ZNF273: variants seen among roughly 807,000 people sequenced by gnomAD.
ZNF273 encodes the protein zinc finger protein 273.
A neutral mutation model predicts 14.9 loss-of-function variants in ZNF273; 11 were observed. The ratio of observed to expected loss-of-function variants is 0.74; its 90% CI spans 0.46 to 1.22. The LOEUF (loss-of-function observed/expected upper bound fraction) is 1.22, where lower values mean the gene tolerates loss of function less well. ZNF273 is among the 50% of genes most tolerant of loss of function. ZNF273 has a pLI of 0.00. For missense variants in ZNF273, 577 were observed against 660.6 expected (o/e 0.87, Z 1.39); for synonymous variants, 199 against 223.9 (o/e 0.89, Z 0.99).
Position 64,912,245 on chromosome 7 carries a change from C to T in ZNF273, c.103-5336C>T, listed in dbSNP as rs1793567928. ...AAGTATGGGGATTACAGGCGTGAGC[C>T]ACCATGCCTGGCCATTTATGTTGTT... On this transcript the variant is annotated intron_variant, in intron 1 of 3. Transcript: ENST00000476120. Among the ~76,000 whole-genome samples, 7 of 152,210 alleles carry T rather than the reference C, an allele frequency of 4.6e-5. No homozygotes were observed. The South Asian group carries it at 1.4e-3, about 31-fold the overall frequency.
chr7:64,935,510 T>G (rs1234910990), downstream of ZNF273, among the ~76,000 whole-genome samples: 1 of 152,070 alleles, frequency 6.6e-6, no homozygotes, highest in African/African-American at 2.4e-5. Context: ...CAGCGCTTAT[T>G]CTCCACCTAT....
chr7:64,899,417 G>A (rs1222191029), upstream of ZNF273, among the ~76,000 whole-genome samples: 30 of 152,178 alleles, frequency 2.0e-4, 1 homozygote, highest in Non-Finnish European at 4.4e-5. Context: ...CATTTTGGGA[G>A]GCCAAGGTGA....
At chr7:64,934,933 G>A (rs1334254727), downstream of ZNF273, among the ~76,000 whole-genome samples, 1 of 152,018 alleles carries the variant, frequency 6.6e-6, no homozygotes, top group Admixed American at 6.6e-5. Context: ...TCATGAATTA[G>A]TACTATTTAA....
At chr7:64,889,882 G>T (rs1583962759), downstream of ZNF273, 1 of 555,134 alleles carries the variant, frequency 1.8e-6, no homozygotes, top group Non-Finnish European at 2.3e-6. This position sits in a 1 kb window ranked among gnomAD's most constrained non-coding sequence, Gnocchi z 4.2. Flanking sequence ...GGCTTCTTTT[G>T]CTGGCAGTCA....
At chr7:64,906,796 T>A (rs571463872) in intron 1 of ZNF273, among the ~76,000 whole-genome samples, 1 of 152,140 alleles carries the variant, frequency 6.6e-6, no homozygotes, top group African/African-American at 2.4e-5. Flanking sequence ...GTTACTGTTT[T>A]AAGGCAGTTT....
the ZNF273 span, among the ~76,000 whole-genome samples, chr7:64,937,172 T>C: frequency 1.3e-5 from 2 of 152,232 alleles, no homozygotes; most frequent in African/African-American, 4.8e-5. Flanking sequence ...TACATTAGCT[T>C]TTTATGAAAG....
intron 1 of ZNF273, among the ~76,000 whole-genome samples, chr7:64,911,294 T>G (rs1463170322): frequency 6.6e-6 from 1 of 151,274 alleles, no homozygotes; most frequent in African/African-American, 2.4e-5. Flanking sequence ...TTTTTTTTTT[T>G]GAGATGGAGT....
exon 2 of ZNF273, chr7:64,888,727 G>GTCCC: frequency 1.0e-6 from 1 of 985,816 alleles, no homozygotes; most frequent in Non-Finnish European, 1.2e-6. Context: ...GGATGGGAGA[G>GTCCC]TCCCGTTCAC....
intron 1 of ZNF273, among the ~76,000 whole-genome samples, chr7:64,907,879 G>A (rs1331987168): frequency 6.6e-6 from 1 of 152,060 alleles, no homozygotes; most frequent in Non-Finnish European, 1.5e-5. Context: ...AATGAGCTGT[G>A]ATAACAGACC....
At chr7:64,888,461 T>C (rs1791746293) in intron 1 of ZNF273, 2 of 985,694 alleles carry the variant, frequency 2.0e-6, no homozygotes, top group East Asian at 1.1e-4. Flanking sequence ...AGGGAGCTTC[T>C]CCAGGTGGCT....
chr7:64,912,483 C>G (rs1445694511), intron 1 of ZNF273, among the ~76,000 whole-genome samples: 1 of 151,366 alleles, frequency 6.6e-6, no homozygotes, highest in Non-Finnish European at 1.5e-5. Flanking sequence ...AATAACACCT[C>G]TTTTCTTCTG....
upstream of ZNF273, among the ~76,000 whole-genome samples, chr7:64,901,169 A>G (rs897704661): frequency 2.0e-5 from 3 of 151,930 alleles, no homozygotes; most frequent in African/African-American, 7.3e-5. Context: ...CACCTGGCTA[A>G]TTTTTGTATT....
chr7:64,903,451 G>T (rs141519570), intron 1 of ZNF273, 32 bp downstream of exon 1: 3 of 1,584,808 alleles, frequency 1.9e-6, no homozygotes, highest in South Asian at 1.1e-5. Context: ...TCCCGAGAGA[G>T]GGGGAGGGCC....
chr7:64,926,519 A>G (rs1794772943), intron 3 of ZNF273, among the ~76,000 whole-genome samples: 1 of 151,888 alleles, frequency 6.6e-6, no homozygotes, highest in Non-Finnish European at 1.5e-5. Flanking sequence ...TTCCTATTTA[A>G]TTCATTGAGT....
downstream of ZNF273, among the ~76,000 whole-genome samples, chr7:64,882,145 C>T (rs1451744301): frequency 6.6e-6 from 1 of 152,216 alleles, no homozygotes; most frequent in Non-Finnish European, 1.5e-5. Context: ...CTGACACCCT[C>T]CTCTGGGGTC....
downstream of ZNF273, among the ~76,000 whole-genome samples, chr7:64,884,161 G>T (rs933772145): frequency 6.6e-5 from 10 of 152,156 alleles, no homozygotes; most frequent in African/African-American, 2.4e-4. Context: ...TCTCACCACA[G>T]ATCTTTTGCT....
At chr7:64,919,968 G>A (rs1794307902) in intron 3 of ZNF273, among the ~76,000 whole-genome samples, 1 of 151,476 alleles carries the variant, frequency 6.6e-6, no homozygotes, top group African/African-American at 2.4e-5. Context: ...TAAAATAGAA[G>A]CAATTGACAA....
chr7:64,927,515 T>C (rs1794818746), intron 3 of ZNF273, 139 bp from the exon 4 acceptor site: 1 of 683,806 alleles, frequency 1.5e-6, no homozygotes, highest in Non-Finnish European at 2.4e-6. Context: ...CATTGATATG[T>C]CTGTGAAGGA....
downstream of ZNF273, chr7:64,933,221 C>T (rs1464556559): frequency 1.3e-5 from 2 of 152,298 alleles, no homozygotes; most frequent in Non-Finnish European, 2.9e-5. Context: ...GATCCACCCA[C>T]CTCAGCCTCC....
Sources: allele counts gnomAD v4.1 joint callset (sites outside exome capture counted in the v4.1 genomes callset), GRCh38; gene constraint gnomAD v4.1.1; non-coding constraint Gnocchi (gnomAD v3.1); transcripts MANE v1.5; gene names NCBI Gene and HGNC (gene_info 2026-07-23, HGNC 2026-07-21).